The following RABGAP1L variants were observed in gnomAD, a reference collection of about 807,000 sequenced individuals.
The protein encoded by RABGAP1L is rab GTPase-activating protein 1-like.
A neutral mutation model predicts 137.7 loss-of-function variants in RABGAP1L; 63 were observed. That is an observed-to-expected ratio of 0.46 (90% CI 0.37 to 0.56). The LOEUF (loss-of-function observed/expected upper bound fraction) is 0.56. RABGAP1L is among the 20% of genes least tolerant of loss of function. RABGAP1L has a pLI of 0.00. For missense variants in RABGAP1L, 1,095 were observed against 1,244.0 expected (o/e 0.88, Z 1.80); for synonymous variants, 431 against 433.7 (o/e 0.99, Z 0.08).
chr1:174,446,502 T>C (rs1328391469), intron 13 of RABGAP1L, among the ~76,000 whole-genome samples: 1 of 152,226 alleles, frequency 6.6e-6, no homozygotes, highest in Admixed American at 6.5e-5. Flanking sequence ...CTCTCTGAAA[T>C]GACTTCACTT....
At chr1:174,387,946 GTAAACTACAGAAGTATAAAC>G (rs1371519940) in intron 12 of RABGAP1L, among the ~76,000 whole-genome samples, 1 of 151,962 alleles carries the variant, frequency 6.6e-6, no homozygotes, top group Non-Finnish European at 1.5e-5. Context: ...TAACATTTGT[GTAAACTACAGAAGTATAAAC>G]TACTATGTCT....
chr1:174,226,397 TAAAA>T (rs1232080573), intron 3 of RABGAP1L, among the ~76,000 whole-genome samples: 1 of 152,086 alleles, frequency 6.6e-6, no homozygotes, highest in African/African-American at 2.4e-5. Flanking sequence ...CCAATCTCAA[TAAAA>T]AAAGAAAGAA....
intron 1 of RABGAP1L, among the ~76,000 whole-genome samples, chr1:174,169,314 C>A (rs567686426): frequency 1.3e-5 from 2 of 150,932 alleles, no homozygotes; most frequent in Admixed American, 1.3e-4. Context: ...CTGACCTCTG[C>A]CTCCCAGGTT....
intron 13 of RABGAP1L, among the ~76,000 whole-genome samples, chr1:174,443,626 T>C (rs1654401654): frequency 6.6e-6 from 1 of 151,670 alleles, no homozygotes; most frequent in South Asian, 2.1e-4. Context: ...TCCCATTTTT[T>C]AGGTTGCCTG....
chr1:174,780,328 C>T (rs961038994), intron 18 of RABGAP1L, among the ~76,000 whole-genome samples: 14 of 152,028 alleles, frequency 9.2e-5, no homozygotes, highest in African/African-American at 3.4e-4. Context: ...GATCTCTGCT[C>T]TACCTAAACT....
At chr1:174,642,675 C>T (rs1486512652) in intron 14 of RABGAP1L, among the ~76,000 whole-genome samples, 4 of 149,742 alleles carry the variant, frequency 2.7e-5, no homozygotes, top group Non-Finnish European at 4.5e-5. Flanking sequence ...CCCTCCTCTC[C>T]TCTCCTCTCC....
In RABGAP1L at chr1:174,202,478, G is replaced by A. The variant is rs549587118; in HGVS notation, c.-33-16647G>A. On this transcript the variant is annotated intron_variant, in intron 1 of 25. Transcript: ENST00000681986. ...TGAGAAGTGTCTGTTCATATCCTTC[G>A]CCTACTTTTTGATGGGGTTGTTTGT... is the stretch of plus-strand genomic sequence containing the variant. Among the ~76,000 whole-genome samples, 13 of 152,198 alleles carry A rather than the reference G, an allele frequency of 8.5e-5. No individual in the cohort carries two copies. The South Asian group carries it at 2.5e-3, about 29-fold the overall frequency.
chr1:174,394,263 G>T, intron 13 of RABGAP1L, 118 bp downstream of exon 13: 1 of 1,170,360 alleles, frequency 8.5e-7, no homozygotes, highest in Non-Finnish European at 1.2e-6. Flanking sequence ...TATTGAGGTC[G>T]TGAAGTCAGT....
rs527268874 is a variant in RABGAP1L at position 174,621,047 on chromosome 1, A to C, written c.1711-16328A>C. 1.2e-4 allele frequency among the ~76,000 whole-genome samples: 18 copies of C among 152,074 alleles called. 1 individual carries two copies. The highest frequency in any genetic ancestry group is 1.0e-3 in the South Asian group (5 of 4,820). ...CTAGAAAATCTAGAAGAAATGGATA[A>C]ATTCCTCGACACATACACCCTCCCA... On this transcript the variant is annotated intron_variant, in intron 13 of 25. Transcript: ENST00000681986.
At chr1:174,973,940 TTTTTAAGAA>T (rs1670389915) in intron 21 of RABGAP1L, among the ~76,000 whole-genome samples, 4 of 151,682 alleles carry the variant, frequency 2.6e-5, no homozygotes, top group African/African-American at 9.7e-5. Flanking sequence ...GTTGGTTCAG[TTTTTAAGAA>T]CACTGAAATG....
chr1:174,263,206 T>A (rs983398421), intron 7 of RABGAP1L, among the ~76,000 whole-genome samples: 1 of 152,222 alleles, frequency 6.6e-6, no homozygotes, highest in Non-Finnish European at 1.5e-5. Context: ...CCCAGAGGGT[T>A]TCCTGCGTGC....
intron 19 of RABGAP1L, among the ~76,000 whole-genome samples, chr1:174,903,124 G>C (rs1658417315): frequency 6.6e-6 from 1 of 152,170 alleles, no homozygotes. Context: ...TAGAGATATA[G>C]AGGCAACAGA....
At chr1:174,179,994 C>T (rs1466882772) in intron 1 of RABGAP1L, among the ~76,000 whole-genome samples, 2 of 152,172 alleles carry the variant, frequency 1.3e-5, no homozygotes, top group African/African-American at 4.8e-5. Context: ...CTGGAGCAAA[C>T]ATTTTTTAAA....
At chr1:174,848,789 A>C (rs1411596960) in intron 19 of RABGAP1L, among the ~76,000 whole-genome samples, 1 of 150,772 alleles carries the variant, frequency 6.6e-6, no homozygotes, top group Admixed American at 6.6e-5. Context: ...TTGTTTACCT[A>C]AGCAAGCCTG....
At chr1:174,659,487 A>G (rs1676213269) in intron 14 of RABGAP1L, among the ~76,000 whole-genome samples, 1 of 152,014 alleles carries the variant, frequency 6.6e-6, no homozygotes, top group Non-Finnish European at 1.5e-5. Flanking sequence ...CACTTTCTTC[A>G]CTTGGCTTCT....
chr1:174,898,694 C>T (rs1657640103), intron 19 of RABGAP1L, among the ~76,000 whole-genome samples: 1 of 152,076 alleles, frequency 6.6e-6, no homozygotes. Context: ...GGAAAGAGGG[C>T]CTTGGTCTAT....
intron 13 of RABGAP1L, among the ~76,000 whole-genome samples, chr1:174,451,414 A>G (rs1229681304): frequency 6.6e-6 from 1 of 152,248 alleles, no homozygotes; most frequent in African/African-American, 2.4e-5. Context: ...AGTAATTAAT[A>G]ACAATTATAT....
intron 15 of RABGAP1L, among the ~76,000 whole-genome samples, chr1:174,693,386 T>G (rs1679011323): frequency 6.6e-6 from 1 of 152,196 alleles, no homozygotes; most frequent in South Asian, 2.1e-4. Context: ...TGTTACAAAT[T>G]AAATGATAAA....
intron 10 of RABGAP1L, among the ~76,000 whole-genome samples, chr1:174,281,810 T>A (rs1675588615): frequency 6.6e-6 from 1 of 152,186 alleles, no homozygotes; most frequent in African/African-American, 2.4e-5. Flanking sequence ...TACACATGAA[T>A]AATTACCACC....
Sources: allele counts gnomAD v4.1 joint callset (sites outside exome capture counted in the v4.1 genomes callset), GRCh38; gene constraint gnomAD v4.1.1; transcripts MANE v1.5; gene names NCBI Gene and HGNC (gene_info 2026-07-23, HGNC 2026-07-21).